The following SIPA1L1 variants were observed in gnomAD, a reference collection of about 807,000 sequenced individuals.
SIPA1L1 encodes the protein signal-induced proliferation-associated 1-like protein 1.
In SIPA1L1, 26 loss-of-function variants were observed where a neutral mutation model predicts 162.7. The ratio of observed to expected loss-of-function variants is 0.16; its 90% CI spans 0.12 to 0.22. The LOEUF (loss-of-function observed/expected upper bound fraction) is 0.22. SIPA1L1 is among the 10% of genes least tolerant of loss of function. The pLI, the probability that SIPA1L1 is intolerant of heterozygous loss-of-function variation, is 1.00. For missense variants in SIPA1L1, 1,874 were observed against 2,241.0 expected, an observed-to-expected ratio of 0.84 and a Z score of 3.31; for synonymous variants, 829 against 837.4, an observed-to-expected ratio of 0.99 and a Z score of 0.17.
At chr14:71,685,908 T>A (rs746487944) in intron 13 of SIPA1L1, among the ~76,000 whole-genome samples, 36 of 152,208 alleles carry the variant, frequency 2.4e-4, no homozygotes, top group Non-Finnish European at 4.6e-4. Flanking sequence ...TACTGCATGC[T>A]TAGTGGCCCT....
At position 71,363,522 on chromosome 14, in the gene SIPA1L1, A is replaced by G. The variant is rs79304719; in HGVS notation, c.-465+42341A>G. On this transcript the variant is annotated intron_variant, in intron 2 of 23. Coordinates refer to ENST00000381232, the MANE Select transcript of SIPA1L1 (RefSeq NM_001386936.1). ...ACATTGGCTTTTTAAACAACTACCT[A>G]ATTTGCCTAATTGATCATGAGGTAC... Among the ~76,000 whole-genome samples, 700 of 152,210 alleles carry G rather than the reference A, an allele frequency of 4.6e-3. 7 individuals are homozygous for G. Among genetic ancestry groups the G allele is most frequent in the African/African-American group, 0.016 (668 of 41,512 alleles).
At chr14:71,467,999 TAGAG>T (rs1187322363) in intron 2 of SIPA1L1, among the ~76,000 whole-genome samples, 1 of 137,520 alleles carries the variant, frequency 7.3e-6, no homozygotes, top group Non-Finnish European at 1.6e-5. Context: ...GAAAAGCAGT[TAGAG>T]GGGTGTGTGT....
chr14:71,553,996 AAT>A, intron 4 of SIPA1L1, among the ~76,000 whole-genome samples: 1 of 152,212 alleles, frequency 6.6e-6, no homozygotes, highest in East Asian at 1.9e-4. Flanking sequence ...ATCTGAATGG[AAT>A]ATTCCGTTCA....
intron 5 of SIPA1L1, among the ~76,000 whole-genome samples, chr14:71,595,568 C>A (rs1210487480): frequency 6.6e-6 from 1 of 152,166 alleles, no homozygotes; most frequent in Non-Finnish European, 1.5e-5. Context: ...TCATTAATGA[C>A]CTCAATTCTT....
intron 5 of SIPA1L1, among the ~76,000 whole-genome samples, chr14:71,604,684 T>A (rs1042954141): frequency 1.2e-4 from 19 of 152,240 alleles, no homozygotes; most frequent in Non-Finnish European, 8.8e-5. Context: ...TTATTTATTT[T>A]TTTTCTTTTT....
intron 2 of SIPA1L1, among the ~76,000 whole-genome samples, chr14:71,440,600 G>T (rs1317106068): frequency 8.8e-6 from 1 of 113,988 alleles, no homozygotes; most frequent in African/African-American, 3.4e-5. Context: ...AGTGAGCTGA[G>T]ATCACACCAC....
intron 2 of SIPA1L1, among the ~76,000 whole-genome samples, chr14:71,340,999 A>G (rs879410744): frequency 5.3e-5 from 8 of 152,204 alleles, no homozygotes; most frequent in Non-Finnish European, 7.3e-5. Flanking sequence ...AAGATGTACT[A>G]GTATCTCTGA....
chr14:71,554,281 T>C (rs972769491), intron 4 of SIPA1L1, among the ~76,000 whole-genome samples: 3 of 152,214 alleles, frequency 2.0e-5, no homozygotes, highest in Admixed American at 1.3e-4. Flanking sequence ...CATTTCTTTT[T>C]AAACAGTATT....
intron 2 of SIPA1L1, among the ~76,000 whole-genome samples, chr14:71,386,050 C>T (rs2040296199): frequency 1.3e-5 from 2 of 152,142 alleles, no homozygotes; most frequent in Non-Finnish European, 2.9e-5. Context: ...TCAGTTTGTA[C>T]TAGTGCCATT....
In SIPA1L1 at chr14:71,394,344, T is replaced by C. The variant is rs988425236; in HGVS notation, c.-465+73163T>C. ...TGTCCATTCATTAACTGGAAGCCTCTATTACTATTATTTTGTAGCTAGAAA... is the reference window on the plus strand; with the variant it reads ...TGTCCATTCATTAACTGGAAGCCTCCATTACTATTATTTTGTAGCTAGAAA... On this transcript the variant is annotated intron_variant, in intron 2 of 23. Coordinates refer to ENST00000381232, the MANE Select transcript of SIPA1L1 (RefSeq NM_001386936.1). Among the ~76,000 whole-genome samples the C allele has an allele frequency of 6.6e-5, 10 of 152,250 alleles. 1 individual carries two copies. In the South Asian group the frequency reaches 1.2e-3, roughly 19 times the overall value.
chr14:71,650,258 A>G lies in SIPA1L1; in HGVS notation c.1819-77A>G, dbSNP rs777119922. 185 of 1,440,890 alleles carry G rather than the reference A, an allele frequency of 1.3e-4. 1 individual carries two copies. Among genetic ancestry groups the G allele is most frequent in the Non-Finnish European group, 1.5e-4 (157 of 1,023,060 alleles). The allele number at this position is 1,440,890 out of a possible 1,614,324, so 89.3% of individuals were successfully genotyped here. A position where few individuals can be genotyped will look rare whatever the true frequency, so the allele number is the denominator to read the frequency against. ...TAGCTATTTTCTGGGCATGTGCCCT[A>G]TAGGACCTTTTAGCATTTGACTGGG... On this transcript the variant is annotated intron_variant, in intron 7 of 23. Coordinates refer to ENST00000381232, the MANE Select transcript of SIPA1L1 (RefSeq NM_001386936.1).
At chr14:71,725,483 T>G (rs2084150086) in intron 19 of SIPA1L1, among the ~76,000 whole-genome samples, 1 of 152,224 alleles carries the variant, frequency 6.6e-6, no homozygotes, top group Non-Finnish European at 1.5e-5. Context: ...TGTAAATGTC[T>G]TCTCTAAAAC....
chr14:71,597,693 C>T (rs2036208152), intron 5 of SIPA1L1, among the ~76,000 whole-genome samples: 1 of 152,164 alleles, frequency 6.6e-6, no homozygotes, highest in South Asian at 2.1e-4. Context: ...GCTGAGTTTC[C>T]TTCCCCTGCC....
At chr14:71,456,994 C>G (rs1166295448) in intron 2 of SIPA1L1, among the ~76,000 whole-genome samples, 1 of 152,198 alleles carries the variant, frequency 6.6e-6, no homozygotes, top group Non-Finnish European at 1.5e-5. Flanking sequence ...ATTGCTCAGG[C>G]TGGTCTCAAA....
At chr14:71,550,866 C>T (rs1203453308) in intron 4 of SIPA1L1, among the ~76,000 whole-genome samples, 2 of 152,078 alleles carry the variant, frequency 1.3e-5, no homozygotes, top group Non-Finnish European at 2.9e-5. Flanking sequence ...GCCTGAGCAA[C>T]AAAGCGAGAT....
intron 2 of SIPA1L1, among the ~76,000 whole-genome samples, chr14:71,348,330 A>C (rs138746719): frequency 0.01 from 1,561 of 152,184 alleles, 28 homozygotes; most frequent in African/African-American, 0.036. Context: ...TAGTTTTTAT[A>C]TATTTTTTGA....
intron 5 of SIPA1L1, among the ~76,000 whole-genome samples, chr14:71,615,508 A>T (rs1195798966): frequency 6.6e-6 from 1 of 152,224 alleles, no homozygotes; most frequent in African/African-American, 2.4e-5. Context: ...TGGCAGTCGG[A>T]TGAGAAAAGA....
chr14:71,395,988 G>A (rs913721946), intron 2 of SIPA1L1, among the ~76,000 whole-genome samples: 1 of 152,138 alleles, frequency 6.6e-6, no homozygotes, highest in African/African-American at 2.4e-5. Context: ...TGATGATGGA[G>A]CTCATGCCTT....
At chr14:71,655,970 T>TAGGGAGA (rs2043020505) in intron 8 of SIPA1L1, among the ~76,000 whole-genome samples, 2 of 152,192 alleles carry the variant, frequency 1.3e-5, no homozygotes, top group Admixed American at 1.3e-4. Context: ...CTTTTTTCAT[T>TAGGGAGA]CTTTCTGGTA....
Sources: allele counts gnomAD v4.1 joint callset (sites outside exome capture counted in the v4.1 genomes callset), GRCh38; gene constraint gnomAD v4.1.1; transcripts MANE v1.5; gene names NCBI Gene and HGNC (gene_info 2026-07-23, HGNC 2026-07-21).